COL14A1: variants seen among roughly 807,000 people sequenced by gnomAD.
COL14A1 encodes collagen alpha-1(XIV) chain.
In COL14A1, 136 loss-of-function variants were observed where a neutral mutation model predicts 230.3. That is an observed-to-expected ratio of 0.59 (90% confidence interval 0.51 to 0.68). The LOEUF (loss-of-function observed/expected upper bound fraction) is 0.68, where lower values mean the gene tolerates loss of function less well. Ranked by LOEUF, COL14A1 falls within the 30% of genes least tolerant of loss-of-function variation. COL14A1 has a pLI of 0.00. For missense variants in COL14A1, 1,976 were observed against 2,215.8 expected, an observed-to-expected ratio of 0.89 and a Z score of 2.17; for synonymous variants, 792 against 784.1, an observed-to-expected ratio of 1.01 and a Z score of -0.17.
At chr8:120,212,818 T>C (rs1204933472) in intron 13 of COL14A1, among the ~76,000 whole-genome samples, 3 of 152,198 alleles carry the variant, frequency 2.0e-5, no homozygotes, top group African/African-American at 7.2e-5. Context: ...TCTTTCTTTG[T>C]CTAAATTCAA....
intron 4 of COL14A1, among the ~76,000 whole-genome samples, chr8:120,166,292 A>C (rs140939922): frequency 2.0e-5 from 3 of 152,212 alleles, no homozygotes; most frequent in Non-Finnish European, 4.4e-5. Flanking sequence ...GTAGGACTGG[A>C]AACTGTGTCA....
intron 5 of COL14A1, among the ~76,000 whole-genome samples, chr8:120,193,983 C>T (rs1168164930): frequency 6.6e-6 from 1 of 152,202 alleles, no homozygotes; most frequent in Non-Finnish European, 1.5e-5. Context: ...AAGGGAACTC[C>T]CTGACCCCTT....
intron 5 of COL14A1, among the ~76,000 whole-genome samples, chr8:120,171,559 G>A (rs1175209770): frequency 3.3e-5 from 5 of 152,160 alleles, no homozygotes; most frequent in African/African-American, 7.2e-5. Flanking sequence ...TCTGGCTCCT[G>A]TTGCTTTGTT....
rs149751727 is a variant in COL14A1 at position 120,257,932 on chromosome 8, A to G, written c.2869+2576A>G. ...AGATTAAGTCAGTAATGAAGTCTCTACTGTAACCACAACCGCTGGTCAACT... is the reference window on the plus strand; with the variant it reads ...AGATTAAGTCAGTAATGAAGTCTCTGCTGTAACCACAACCGCTGGTCAACT... On this transcript the variant is annotated intron_variant, in intron 23 of 47. Coordinates refer to ENST00000297848, the MANE Select transcript of COL14A1 (RefSeq NM_021110.4). Among the ~76,000 whole-genome samples the G allele has an allele frequency of 6.6e-3, 999 of 152,250 alleles. 13 individuals carry two copies. Among genetic ancestry groups the G allele is most frequent in the African/African-American group, 0.022 (934 of 41,556 alleles).
At chr8:120,342,529 C>T (rs779445975) in intron 44 of COL14A1, 83 bp downstream of exon 44, 13 of 1,280,746 alleles carry the variant, frequency 1.0e-5, no homozygotes, top group Admixed American at 3.5e-5. Context: ...GAGCGTACCA[C>T]TAAGGAAAAC....
intron 5 of COL14A1, among the ~76,000 whole-genome samples, chr8:120,194,101 G>A (rs958432453): frequency 1.3e-5 from 2 of 152,200 alleles, no homozygotes; most frequent in Non-Finnish European, 2.9e-5. Flanking sequence ...GATGAACCCG[G>A]TACCTCAGAT....
rs921311900 is a variant in COL14A1 at position 120,211,382 on chromosome 8, C to T, written c.1468-1066C>T. ...TGTAATATTAACACAGAAAAAATAA[C>T]AAGCTGCAAAAAGATTGTGTTGATA... On this transcript the variant is annotated intron_variant, in intron 12 of 47. Coordinates refer to ENST00000297848, the MANE Select transcript of COL14A1 (RefSeq NM_021110.4). Among the ~76,000 whole-genome samples the T allele has an allele frequency of 1.2e-4, 19 of 152,206 alleles. 1 individual carries two copies. Among genetic ancestry groups the T allele is most frequent in the African/African-American group, 4.3e-4 (18 of 41,548 alleles).
At chr8:120,273,674 G>C (rs542844484) in intron 26 of COL14A1, among the ~76,000 whole-genome samples, 128 of 151,422 alleles carry the variant, frequency 8.5e-4, no homozygotes, top group African/African-American at 2.8e-3. Context: ...TCTATACATA[G>C]AAACTACAAA....
intron 19 of COL14A1, among the ~76,000 whole-genome samples, chr8:120,233,525 T>G (rs1270674573): frequency 6.6e-6 from 1 of 152,178 alleles, no homozygotes; most frequent in African/African-American, 2.4e-5. Flanking sequence ...CAATTTCAGT[T>G]TTCTGCCTAT....
chr8:120,349,954 A>G (rs1444624715), intron 45 of COL14A1, among the ~76,000 whole-genome samples: 2 of 142,114 alleles, frequency 1.4e-5, no homozygotes, highest in Non-Finnish European at 3.0e-5. Flanking sequence ...CAAAGTTGAA[A>G]TGAAGGAAAA....
At chr8:120,202,989 A>AATATATATATGTATATAT (rs1817300603) in intron 8 of COL14A1, among the ~76,000 whole-genome samples, 1 of 106,554 alleles carries the variant, frequency 9.4e-6, no homozygotes, top group Non-Finnish European at 2.0e-5. Context: ...AATAATTTCA[A>AATATATATATGTATATAT]ATATATATAT....
chr8:120,289,991 C>T (rs1768344228), intron 34 of COL14A1, among the ~76,000 whole-genome samples: 1 of 152,022 alleles, frequency 6.6e-6, no homozygotes, highest in Non-Finnish European at 1.5e-5. Flanking sequence ...TAGTATGCTT[C>T]CACTGTATTA....
chr8:120,367,357 C>A, intron 46 of COL14A1, 109 bp downstream of exon 46: 1 of 858,216 alleles, frequency 1.2e-6, no homozygotes, highest in Non-Finnish European at 1.8e-6. Flanking sequence ...ACTTAAATGG[C>A]TGTATTTCTT....
chr8:120,289,204 C>T (rs1045318946), intron 33 of COL14A1, among the ~76,000 whole-genome samples: 13 of 152,136 alleles, frequency 8.5e-5, no homozygotes, highest in African/African-American at 3.1e-4. Context: ...TTGCCAACCA[C>T]TCGTGGTGCT....
At chr8:120,270,570 TA>T (rs1271741945) in intron 26 of COL14A1, among the ~76,000 whole-genome samples, 1 of 151,898 alleles carries the variant, frequency 6.6e-6, no homozygotes, top group Non-Finnish European at 1.5e-5. Context: ...CTCATTCATT[TA>T]AAAAATATGT....
chr8:120,299,510 T>A (rs1429355982), intron 35 of COL14A1, among the ~76,000 whole-genome samples: 1 of 152,130 alleles, frequency 6.6e-6, no homozygotes, highest in Non-Finnish European at 1.5e-5. Context: ...TCGTTCCTTT[T>A]CTTTTTACTT....
At chr8:120,125,529 C>T (rs1274343206) in intron 1 of COL14A1, among the ~76,000 whole-genome samples, 189 bp downstream of exon 1, 1 of 152,030 alleles carries the variant, frequency 6.6e-6, no homozygotes, top group Non-Finnish European at 1.5e-5. Flanking sequence ...TGCCTTTTCG[C>T]GGGGTTCACG....
In COL14A1 at chr8:120,203,746, C is replaced by T. The variant is rs369585103; in HGVS notation, c.915C>T (p.Ile305=). 159 of 1,613,652 alleles carry T rather than the reference C, an allele frequency of 9.9e-5. No individual in the cohort carries two copies. The highest frequency in any genetic ancestry group is 1.3e-4 in the Non-Finnish European group (150 of 1,179,882). Residue 305 remains isoleucine, a synonymous_variant, in exon 9 of 48, where the codon ATC becomes ATT. Coordinates refer to ENST00000297848, the MANE Select transcript of COL14A1 (RefSeq NM_021110.4). The part of the protein sequence containing the change: ...KNADVNELQE[I]ASEPDSTHVY... ...CGGATGTGAATGAGCTGCAGGAGATCGCCTCTGAACCAGACAGCACTCATG... is the reference window on the plus strand; with the variant it reads ...CGGATGTGAATGAGCTGCAGGAGATTGCCTCTGAACCAGACAGCACTCATG...
At chr8:120,364,474 C>G (rs1823334065) in intron 45 of COL14A1, among the ~76,000 whole-genome samples, 1 of 152,202 alleles carries the variant, frequency 6.6e-6, no homozygotes, top group Non-Finnish European at 1.5e-5. Context: ...TGGCCTACAA[C>G]CAAGTTCAGT....
Sources: allele counts gnomAD v4.1 joint callset (sites outside exome capture counted in the v4.1 genomes callset), GRCh38; gene constraint gnomAD v4.1.1; transcripts MANE v1.5; gene names NCBI Gene and HGNC (gene_info 2026-07-23, HGNC 2026-07-21).